The following DIAPH2 variants were observed in gnomAD, a reference collection of about 807,000 sequenced individuals.
DIAPH2 encodes the protein protein diaphanous homolog 2.
In DIAPH2, 35 loss-of-function variants were observed where a neutral mutation model predicts 92.7. That is an observed-to-expected ratio of 0.38 (90% confidence interval 0.29 to 0.50). The LOEUF (loss-of-function observed/expected upper bound fraction) is 0.50, where lower values mean the gene tolerates loss of function less well. Among genes scored for constraint, DIAPH2 ranks in the 20% least tolerant of loss-of-function variants. DIAPH2 has a pLI of 0.94. For synonymous variants in DIAPH2, 301 were observed against 280.4 expected, an observed-to-expected ratio of 1.07 and a Z score of -0.73; for missense variants, 701 against 819.5, an observed-to-expected ratio of 0.86 and a Z score of 1.77.
intron 26 of DIAPH2, chrX:97,555,475 A>T: frequency 4.1e-6 from 3 of 738,940 alleles, no homozygotes; most frequent in Non-Finnish European, 4.8e-6. Flanking sequence ...CAAAGGTGAG[A>T]GTTGAAATAT....
intron 4 of DIAPH2, among the ~76,000 whole-genome samples, chrX:96,873,529 T>A (rs1371036992): frequency 9.2e-6 from 1 of 108,898 alleles, no homozygotes; most frequent in Non-Finnish European, 1.9e-5. Flanking sequence ...ATGGGTGTGG[T>A]TATTGAAAGG....
At chrX:97,360,538 C>A (rs2069315238) in intron 24 of DIAPH2, among the ~76,000 whole-genome samples, 1 of 110,897 alleles carries the variant, frequency 9.0e-6, no homozygotes, top group East Asian at 2.8e-4. Context: ...GCAGGAGAAT[C>A]ACTTGAACCC....
At chrX:97,271,603 A>G (rs1332860469) in intron 23 of DIAPH2, among the ~76,000 whole-genome samples, 5 of 111,140 alleles carry the variant, frequency 4.5e-5, no homozygotes. Flanking sequence ...CTAGGTTACC[A>G]TCCTGGGGTG....
At chrX:96,890,556 C>T (rs964564233) in intron 5 of DIAPH2, among the ~76,000 whole-genome samples, 5 of 111,412 alleles carry the variant, frequency 4.5e-5, no homozygotes, top group East Asian at 2.8e-4. Flanking sequence ...GTTGTCCTCT[C>T]GTGGGTAATT....
At chrX:97,320,489 G>A (rs1014460294) in intron 23 of DIAPH2, among the ~76,000 whole-genome samples, 3 of 110,870 alleles carry the variant, frequency 2.7e-5, no homozygotes, top group Non-Finnish European at 5.7e-5. Context: ...CGAGGCGGGC[G>A]GATCACCTGA....
intron 26 of DIAPH2, among the ~76,000 whole-genome samples, chrX:97,514,032 A>T (rs1033938396): frequency 1.9e-5 from 2 of 107,082 alleles, no homozygotes; most frequent in African/African-American, 7.2e-5. Context: ...CGTTCTCTGT[A>T]TTTCCTGAAT....
intron 23 of DIAPH2, among the ~76,000 whole-genome samples, chrX:97,325,248 C>T (rs1308742344): frequency 8.9e-6 from 1 of 112,119 alleles, no homozygotes; most frequent in East Asian, 2.8e-4. Context: ...GTGGAGGAGG[C>T]TCTGTGGTTG....
chrX:97,595,961 C>T (rs1167323623), intron 26 of DIAPH2, among the ~76,000 whole-genome samples: 2 of 112,007 alleles, frequency 1.8e-5, no homozygotes, highest in Non-Finnish European at 1.9e-5. Flanking sequence ...TAACTATGTT[C>T]CTGTCTTCAA....
intron 3 of DIAPH2, 82 bp downstream of exon 3, chrX:96,738,844 A>G (rs2064102840): frequency 3.9e-6 from 3 of 770,038 alleles, no homozygotes; most frequent in Non-Finnish European, 5.6e-6. Flanking sequence ...GTGTGTTTGT[A>G]TGGACAGTGT....
chrX:96,962,416 T>TAC (rs1435167997), intron 16 of DIAPH2, among the ~76,000 whole-genome samples: 2 of 51,111 alleles, frequency 3.9e-5, no homozygotes, highest in Non-Finnish European at 7.7e-5. Context: ...CATATATATA[T>TAC]ACACATATAT....
chrX:96,727,817 G>A (rs1220159325), intron 1 of DIAPH2, among the ~76,000 whole-genome samples: 1 of 110,799 alleles, frequency 9.0e-6, no homozygotes, highest in Non-Finnish European at 1.9e-5. Flanking sequence ...GGAGGCTGAG[G>A]TGGATGGATC....
chrX:97,340,748 C>T (rs779143928), intron 23 of DIAPH2, among the ~76,000 whole-genome samples: 2 of 106,324 alleles, frequency 1.9e-5, no homozygotes, highest in Non-Finnish European at 3.9e-5. Context: ...CTCTGCCTCC[C>T]GAGTTCAAGC....
At chrX:97,500,687 C>T (rs950889613) in intron 26 of DIAPH2, among the ~76,000 whole-genome samples, 3 of 103,156 alleles carry the variant, frequency 2.9e-5, no homozygotes, top group African/African-American at 7.0e-5. Context: ...ATTGAAGTAC[C>T]GCTTGCTATA....
At chrX:96,843,464 TA>T (rs1035175982) in intron 4 of DIAPH2, among the ~76,000 whole-genome samples, 8 of 111,664 alleles carry the variant, frequency 7.2e-5, no homozygotes, top group Non-Finnish European at 1.3e-4. Context: ...TCTAAGTTAG[TA>T]AAAAGTCTGA....
intron 20 of DIAPH2, among the ~76,000 whole-genome samples, chrX:97,101,562 T>C (rs1367584598): frequency 9.0e-6 from 1 of 111,683 alleles, no homozygotes. Context: ...GTTTACACTA[T>C]GTAAATTACC....
At chrX:96,870,073 G>A (rs1023308616) in intron 4 of DIAPH2, among the ~76,000 whole-genome samples, 1 of 110,836 alleles carries the variant, frequency 9.0e-6, no homozygotes, top group African/African-American at 3.3e-5. Flanking sequence ...CTATAGCCTG[G>A]GTTCTAGCCT....
intron 3 of DIAPH2, among the ~76,000 whole-genome samples, chrX:96,749,769 A>G (rs1463440312): frequency 9.0e-6 from 1 of 111,318 alleles, no homozygotes; most frequent in Non-Finnish European, 1.9e-5. Context: ...TTTCTTCTAC[A>G]TTATTAATGT....
chrX:96,962,456 C>CAT (rs372816960), intron 16 of DIAPH2, among the ~76,000 whole-genome samples: 666 of 57,467 alleles, frequency 0.012, 29 homozygotes, highest in South Asian at 0.018. Flanking sequence ...TATACACACA[C>CAT]ATATATATAT....
chrX:96,771,184 GTAT>G (rs1176095478), intron 4 of DIAPH2, among the ~76,000 whole-genome samples: 1 of 111,746 alleles, frequency 8.9e-6, no homozygotes, highest in African/African-American at 3.2e-5. Context: ...ATGAATGTTA[GTAT>G]TATGTTTAGA....
Sources: allele counts gnomAD v4.1 joint callset (sites outside exome capture counted in the v4.1 genomes callset), GRCh38; gene constraint gnomAD v4.1.1; transcripts MANE v1.5; gene names NCBI Gene and HGNC (gene_info 2026-07-23, HGNC 2026-07-21).